The following ZNF230 variants were observed in gnomAD, a reference collection of about 807,000 sequenced individuals.
ZNF230 encodes zinc finger protein 230.
In ZNF230, 12 loss-of-function variants were observed where a neutral mutation model predicts 10.0. The observed-to-expected ratio is 1.20, with a 90% CI of 0.77 to 1.95. The LOEUF is 1.95. Among genes scored for constraint, ZNF230 ranks in the 30% most tolerant of loss-of-function variants. ZNF230 has a pLI of 0.00. For missense variants in ZNF230, 532 were observed against 565.8 expected, an observed-to-expected ratio of 0.94 and a Z score of 0.61; for synonymous variants, 174 against 193.6, an observed-to-expected ratio of 0.90 and a Z score of 0.84.
Position 44,013,481 on chromosome 19 carries a change from A to G in ZNF230, c.*2017A>G, listed in dbSNP as rs1976209301. On this transcript the variant is annotated 3_prime_UTR_variant, in exon 5 of 5. Transcript: ENST00000429154. ...ATAGGAAATTATGATTATGATGTTA[A>G]AACTGTGAAAAGTAGAAAACCACAT... The G allele has an allele frequency of 6.6e-6, 1 of 152,228 alleles. No homozygotes were observed. The highest frequency in any genetic ancestry group is 6.5e-5 in the Admixed American group (1 of 15,280). The allele number at this position is 152,228 out of a possible 1,614,324, so 9.4% of individuals were successfully genotyped here.
chr19:44,012,088 A>T lies in ZNF230; in HGVS notation c.*624A>T, dbSNP rs2147428159. The T allele has an allele frequency of 3.9e-6, 1 of 254,058 alleles. No homozygotes were observed. The highest frequency in any genetic ancestry group is 2.3e-5 in the African/African-American group (1 of 43,430). 15.7% of individuals were successfully genotyped at this position (254,058 alleles called of 1,614,324 possible). ...TACTGATTTCCTTTGCTTTGGATAT[A>T]CTCAATAGTGGGATTGCTAGATCAC... On this transcript the variant is annotated 3_prime_UTR_variant, in exon 5 of 5. Coordinates refer to ENST00000429154, the MANE Select transcript of ZNF230 (RefSeq NM_006300.4).
At chr19:44,007,219 G>T in intron 2 of ZNF230, 126 bp downstream of exon 2, 1 of 831,230 alleles carries the variant, frequency 1.2e-6, no homozygotes, top group South Asian at 2.9e-5. Flanking sequence ...TGTGCCAGTT[G>T]CTTCCTTTGT....
chr19:44,010,887 A>T lies in ZNF230; in HGVS notation c.848A>T (p.Glu283Val). The change falls in exon 5 of 5, where the codon GAA (glutamate) becomes GTA (valine). Residue 283 changes from glutamate (E) to valine (V), a missense_variant. Physicochemically the swap from Glu to Val is moderately radical, Grantham distance 121. Transcript: ENST00000429154. ...ACTGGGGAGAAGCCGTTCAAATGTGAAATATGTGGTAAGAGCTTCTGCCTT... is the reference window on the plus strand; with the variant it reads ...ACTGGGGAGAAGCCGTTCAAATGTGTAATATGTGGTAAGAGCTTCTGCCTT... ...IHTGEKPFKC[E>V]ICGKSFCLRS... The T allele has an allele frequency of 3.1e-6, 5 of 1,614,220 alleles. No homozygotes were observed. Among genetic ancestry groups the T allele is most frequent in the Non-Finnish European group, 4.2e-6 (5 of 1,180,024 alleles).
chr19:44,009,136 G>A lies in ZNF230; in HGVS notation c.195G>A (p.Met65Ile), dbSNP rs369737169. 40 of 1,614,076 alleles carry A rather than the reference G, an allele frequency of 2.5e-5. No individual in the cohort carries two copies. Among genetic ancestry groups the A allele is most frequent in the Non-Finnish European group, 3.3e-5 (39 of 1,180,034 alleles). Residue 65 changes from methionine (M) to isoleucine (I), a missense_variant, in exon 4 of 5, where the codon ATG becomes ATA. Met to Ile is a conservative substitution (Grantham distance 10). Coordinates refer to ENST00000429154, the MANE Select transcript of ZNF230 (RefSeq NM_006300.4). ...TCCTAAGGGAAGAAAAGTTTTGGAT[G>A]ATGGAGACAGCAACCCAAAGAGAAG... ...FHFLREEKFW[M>I]METATQREGN...
rs1469039153 is a variant in ZNF230 at position 44,011,595 on chromosome 19, ATTG to A, written c.*134_*136del. ...TTTGTTTTGGGAAAATTCAAAATCC[ATTG>A]TTCTAGCGATTTGAAAAGAAACAAT... On this transcript the variant is annotated 3_prime_UTR_variant, in exon 5 of 5. Coordinates refer to ENST00000429154, the MANE Select transcript of ZNF230 (RefSeq NM_006300.4). 1 of 995,892 alleles carries A rather than the reference ATTG, an allele frequency of 1.0e-6. No individual in the cohort carries two copies. The highest frequency in any genetic ancestry group is 1.4e-6 in the Non-Finnish European group (1 of 697,980). The allele number at this position is 995,892 out of a possible 1,614,324, so 61.7% of individuals were successfully genotyped here.
In ZNF230 at chr19:44,011,228, T is replaced by C. The variant is rs1488732579; in HGVS notation, c.1189T>C (p.Cys397Arg). Residue 397 changes from cysteine to arginine, a missense_variant, in exon 5 of 5, where the codon TGT (cysteine) becomes CGT (arginine). Physicochemically the swap from Cys to Arg is radical, Grantham distance 180. Transcript: ENST00000429154. ...AGAGAGACCTTATAATTGTAAGGAATGTGGGAAGAGCTTTAGCCGGGCTTC... is the reference window on the plus strand; with the variant it reads ...AGAGAGACCTTATAATTGTAAGGAACGTGGGAAGAGCTTTAGCCGGGCTTC... The part of the protein sequence containing the change: ...TGERPYNCKE[C>R]GKSFSRASSI... 6.2e-7 allele frequency: 1 copy of C among 1,613,986 alleles called. No individual in the cohort carries two copies. The highest frequency in any genetic ancestry group is 8.5e-7 in the Non-Finnish European group (1 of 1,180,008).
chr19:44,011,508 T>C lies in ZNF230; in HGVS notation c.*44T>C. On this transcript the variant is annotated 3_prime_UTR_variant, in exon 5 of 5. Transcript: ENST00000429154. Reference sequence around the variant, plus strand: ...ATATGGTATGAAATTTTAATATGTGTATATAATACGTAATGATCAAATTGA... The same window carrying C: ...ATATGGTATGAAATTTTAATATGTGCATATAATACGTAATGATCAAATTGA... 1.4e-6 allele frequency: 2 copies of C among 1,470,130 alleles called. No homozygotes were observed. Among genetic ancestry groups the C allele is most frequent in the Non-Finnish European group, 1.8e-6 (2 of 1,089,268 alleles). The allele number at this position is 1,470,130 out of a possible 1,614,324, so 91.1% of individuals were successfully genotyped here.
Position 44,012,354 on chromosome 19 carries a change from G to A in ZNF230, c.*890G>A. ...AGGCATATGGTAAGCACTTCAGTGT[G>A]TGTTTATATCATAATTTATCACAGT... On this transcript the variant is annotated 3_prime_UTR_variant, in exon 5 of 5. Coordinates refer to ENST00000429154, the MANE Select transcript of ZNF230 (RefSeq NM_006300.4). 1.9e-6 allele frequency: 1 copy of A among 517,418 alleles called. No homozygotes were observed. The highest frequency in any genetic ancestry group is 3.9e-6 in the Non-Finnish European group (1 of 259,116). The allele number at this position is 517,418 out of a possible 1,614,324, so 32.1% of individuals were successfully genotyped here. A position where few individuals can be genotyped will look rare whatever the true frequency, so the allele number is the denominator to read the frequency against.
In ZNF230 at chr19:44,011,518, G is replaced by A. The variant is rs769493382; in HGVS notation, c.*54G>A. The A allele has an allele frequency of 1.3e-5, 19 of 1,445,712 alleles. No individual in the cohort carries two copies. Among genetic ancestry groups the A allele is most frequent in the East Asian group, 7.5e-5 (3 of 40,040 alleles). The allele number at this position is 1,445,712 out of a possible 1,614,324, so 89.6% of individuals were successfully genotyped here. A position where few individuals can be genotyped will look rare whatever the true frequency, so the allele number is the denominator to read the frequency against. ...AAATTTTAATATGTGTATATAATACGTAATGATCAAATTGATGTAATTAGT... is the reference window on the plus strand; with the variant it reads ...AAATTTTAATATGTGTATATAATACATAATGATCAAATTGATGTAATTAGT... On this transcript the variant is annotated 3_prime_UTR_variant, in exon 5 of 5. Transcript: ENST00000429154.
At position 44,010,663 on chromosome 19, in the gene ZNF230, C is replaced by T. The variant is rs1420731732; in HGVS notation, c.624C>T (p.Ser208=). 6.2e-7 allele frequency: 1 copy of T among 1,614,198 alleles called. No homozygotes were observed. The highest frequency in any genetic ancestry group is 1.3e-5 in the African/African-American group (1 of 75,042). The stretch of plus-strand genomic sequence containing the variant: ...TGCGTGGTAAGGAATTCAGTCAGAG[C>T]TCATGTCTGCAAACTCGTGAGAGAG... ...CDMRGKEFSQ[S]SCLQTRERVH... Residue 208 remains serine (S), a synonymous_variant, in exon 5 of 5, where the codon AGC becomes AGT. Transcript: ENST00000429154.
rs745997312 is a variant in ZNF230, at chr19:44,011,487, G to A, written c.*23G>A. 40 of 1,540,054 alleles carry A rather than the reference G, an allele frequency of 2.6e-5. No individual in the cohort carries two copies. Among genetic ancestry groups the A allele is most frequent in the Middle Eastern group, 1.7e-4 (1 of 5,782 alleles). On this transcript the variant is annotated 3_prime_UTR_variant, in exon 5 of 5. Coordinates refer to ENST00000429154, the MANE Select transcript of ZNF230 (RefSeq NM_006300.4). ...TAAGTTGTACATATATATGGGATAT[G>A]GTATGAAATTTTAATATGTGTATAT...
At chr19:44,006,189 C>T (rs8105571) in intron 1 of ZNF230, among the ~76,000 whole-genome samples, 80,874 of 151,968 alleles carry the variant, frequency 0.53, 24,858 homozygotes, top group Non-Finnish European at 0.71. Context: ...TGCAACATAA[C>T]AGGGTTCACA....
At chr19:44,006,971 C>G in intron 1 of ZNF230, 40 bp from the exon 2 acceptor site, 1 of 900,342 alleles carries the variant, frequency 1.1e-6, no homozygotes, top group African/African-American at 1.6e-5. Context: ...CCCCAGCCAC[C>G]ATTTCATGTC....
At position 44,010,941 on chromosome 19, in the gene ZNF230, T is replaced by C; in HGVS notation, c.902T>C (p.Val301Ala). ...LRSSLNRHCM[V>A]HTAEKLYKSE... ...TCAAGTCTTAATAGGCATTGCATGG[T>C]CCACACAGCAGAGAAACTGTACAAA... Residue 301 changes from valine (V) to alanine (A), a missense_variant, in exon 5 of 5, where the codon GTC (valine) becomes GCC (alanine). By Grantham distance (64) the Val-to-Ala change is moderately conservative. Coordinates refer to ENST00000429154, the MANE Select transcript of ZNF230 (RefSeq NM_006300.4). The C allele has an allele frequency of 6.2e-7, 1 of 1,614,216 alleles. No homozygotes were observed. Among genetic ancestry groups the C allele is most frequent in the Non-Finnish European group, 8.5e-7 (1 of 1,180,032 alleles).
intron 4 of ZNF230, among the ~76,000 whole-genome samples, chr19:44,010,039 TA>T: frequency 6.6e-6 from 1 of 152,376 alleles, no homozygotes; most frequent in South Asian, 2.1e-4. Context: ...AAATTAAATG[TA>T]TATATTATAT....
chr19:44,012,792 G>A lies in ZNF230; in HGVS notation c.*1328G>A, dbSNP rs1366253024. The A allele has an allele frequency of 1.9e-5, 4 of 212,124 alleles. No homozygotes were observed. Among genetic ancestry groups the A allele is most frequent in the African/African-American group, 4.7e-5 (2 of 42,190 alleles). 13.1% of individuals were successfully genotyped at this position (212,124 alleles called of 1,614,324 possible). On this transcript the variant is annotated 3_prime_UTR_variant, in exon 5 of 5. Coordinates refer to ENST00000429154, the MANE Select transcript of ZNF230 (RefSeq NM_006300.4). ...TCTACAAAAAATAATTCAGGGACAC[G>A]AGTTAAAATGCAGAATACACTCAGT...
rs185369996 is a variant in ZNF230, at chr19:44,013,635, A to G, written c.*2171A>G. ...CATACAGTAAAAGGAGAAAAACATA[A>G]TGTGAGCTTTGTGAAATCTGACTGT... On this transcript the variant is annotated 3_prime_UTR_variant, in exon 5 of 5. Transcript: ENST00000429154. 2 of 152,222 alleles carry G rather than the reference A, an allele frequency of 1.3e-5. No individual in the cohort carries two copies. Among genetic ancestry groups the G allele is most frequent in the African/African-American group, 4.8e-5 (2 of 41,468 alleles). 9.4% of individuals were successfully genotyped at this position (152,222 alleles called of 1,614,324 possible).
At position 44,012,910 on chromosome 19, in the gene ZNF230, T is replaced by A. The variant is rs145407401; in HGVS notation, c.*1446T>A. The A allele has an allele frequency of 6.3e-6, 1 of 158,286 alleles. No individual in the cohort carries two copies. Among genetic ancestry groups the A allele is most frequent in the Non-Finnish European group, 1.4e-5 (1 of 72,188 alleles). 9.8% of individuals were successfully genotyped at this position (158,286 alleles called of 1,614,324 possible). A position where few individuals can be genotyped will look rare whatever the true frequency, so the allele number is the denominator to read the frequency against. ...CCTCTGTTCTGAAGTTTACTACTAG[T>A]GGCTTTGTCTAATGCTCCATTGGTT... On this transcript the variant is annotated 3_prime_UTR_variant, in exon 5 of 5. Transcript: ENST00000429154.
intron 2 of ZNF230, among the ~76,000 whole-genome samples, chr19:44,008,568 A>G (rs1328045562): frequency 6.6e-6 from 1 of 152,234 alleles, no homozygotes; most frequent in Non-Finnish European, 1.5e-5. Context: ...CTAAGGGGTT[A>G]CTTACAAGGA....
Sources: gnomAD v4.1 joint callset for allele counts (sites outside exome capture counted in the v4.1 genomes callset) on GRCh38, gnomAD v4.1.1 for gene constraint, MANE v1.5 for transcripts, NCBI Gene and HGNC (gene_info 2026-07-23, HGNC 2026-07-21) for gene names.